GNPTAB: variants seen among roughly 807,000 people sequenced by gnomAD.
GNPTAB encodes the protein N-acetylglucosamine-1-phosphotransferase subunits alpha/beta.
A neutral mutation model predicts 136.6 loss-of-function variants in GNPTAB; 92 were observed. The ratio of observed to expected loss-of-function variants is 0.67; its 90% confidence interval spans 0.57 to 0.80. The LOEUF (loss-of-function observed/expected upper bound fraction) is 0.80. Ranked by LOEUF, GNPTAB falls within the 30% of genes least tolerant of loss-of-function variation. The pLI is 0.00. For synonymous variants in GNPTAB, 512 were observed against 535.1 expected (o/e 0.96, Z 0.60); for missense variants, 1,343 against 1,501.8 (o/e 0.89, Z 1.75).
intron 1 of GNPTAB, among the ~76,000 whole-genome samples, chr12:101,817,843 G>C (rs1021543610): frequency 6.6e-6 from 1 of 152,094 alleles, no homozygotes; most frequent in Admixed American, 6.6e-5. Flanking sequence ...CATTATACTT[G>C]ATGTGGGATT....
At chr12:101,751,335 C>G (rs545718196) in intron 19 of GNPTAB, among the ~76,000 whole-genome samples, 4 of 152,326 alleles carry the variant, frequency 2.6e-5, no homozygotes, top group African/African-American at 9.6e-5. Context: ...CTGCACTGAA[C>G]TCTTATTGCC....
At chr12:101,816,661 A>G (rs569406386) in intron 1 of GNPTAB, among the ~76,000 whole-genome samples, 1 of 152,332 alleles carries the variant, frequency 6.6e-6, no homozygotes, top group East Asian at 1.9e-4. Flanking sequence ...CTAAAAATAG[A>G]ACGACTATAT....
At chr12:101,815,952 A>G (rs1203441236) in intron 1 of GNPTAB, among the ~76,000 whole-genome samples, 1 of 152,230 alleles carries the variant, frequency 6.6e-6, no homozygotes, top group Non-Finnish European at 1.5e-5. Context: ...TGGGGAAAGG[A>G]CAGTCTCTTT....
Position 101,757,777 on chromosome 12 carries a change from C to A in GNPTAB, c.3250-120G>T, listed in dbSNP as rs1202161056. The A allele has an allele frequency of 2.8e-5, 20 of 705,210 alleles. No homozygotes were observed. In the East Asian group the frequency reaches 4.2e-4, roughly 15 times the overall value. 43.7% of individuals were successfully genotyped at this position (705,210 alleles called of 1,614,324 possible). On this transcript the variant is annotated intron_variant, in intron 16 of 20. Coordinates refer to ENST00000299314, the MANE Select transcript of GNPTAB (RefSeq NM_024312.5). The stretch of plus-strand genomic sequence containing the variant: ...ATGCTCTCTGGAGGTAAGAAAAACA[C>A]CAACTGTGACTACATATACATCTTT...
chr12:101,751,270 G>C (rs1056584320), intron 19 of GNPTAB, among the ~76,000 whole-genome samples: 5 of 152,146 alleles, frequency 3.3e-5, no homozygotes, highest in Non-Finnish European at 5.9e-5. Context: ...TCAAAATCAA[G>C]TCCAAATGTC....
rs756772706 is a variant in GNPTAB at position 101,830,589 on chromosome 12, GACA to G, written c.84_86del (p.Val29del). 2 of 1,612,496 alleles carry G rather than the reference GACA, an allele frequency of 1.2e-6. No individual in the cohort carries two copies. Among genetic ancestry groups the G allele is most frequent in the Middle Eastern group, 1.6e-4 (1 of 6,080 alleles). The stretch of plus-strand genomic sequence containing the variant: ...CGAACTGGAAGGCGGAGACGATGGT[GACA>G]ACGACGCCCAAGAAGCACACGTAGA... On this transcript the variant is annotated inframe_deletion, in exon 1 of 21. Transcript: ENST00000299314.
At chr12:101,761,834 T>A in intron 13 of GNPTAB, 71 bp from the exon 14 acceptor site, 1 of 1,122,014 alleles carries the variant, frequency 8.9e-7, no homozygotes, top group Non-Finnish European at 1.4e-6. Context: ...ACAAGACATT[T>A]TATATAATGT....
intron 1 of GNPTAB, among the ~76,000 whole-genome samples, chr12:101,828,638 C>T (rs899962056): frequency 1.3e-5 from 2 of 151,810 alleles, no homozygotes; most frequent in African/African-American, 4.8e-5. Flanking sequence ...TGCAGTGAGC[C>T]GAGATTGCGC....
intron 7 of GNPTAB, among the ~76,000 whole-genome samples, chr12:101,775,950 C>T (rs1046607393): frequency 6.6e-6 from 1 of 152,184 alleles, no homozygotes; most frequent in African/African-American, 2.4e-5. Flanking sequence ...CCTGTTCAGT[C>T]TTCAAGAACC....
rs762120766 is a variant in GNPTAB, at chr12:101,830,656, T to C, written c.20A>G (p.Gln7Arg). ...GGACAGGCAGGTATAGGTCTGTCTCTGCAGGAGCTTGAACAGCATCACCCC... is the reference window on the plus strand; with the variant it reads ...GGACAGGCAGGTATAGGTCTGTCTCCGCAGGAGCTTGAACAGCATCACCCC... MLFKLL[Q>R]RQTYTCLSHR... The change falls in exon 1 of 21, where the codon CAG becomes CGG. Residue 7 changes from glutamine to arginine, a missense_variant. By Grantham distance (43) the Gln-to-Arg change is conservative. Transcript: ENST00000299314. 5.6e-6 allele frequency: 9 copies of C among 1,607,110 alleles called. No homozygotes were observed. Among genetic ancestry groups the C allele is most frequent in the South Asian group, 3.3e-5 (3 of 90,912 alleles).
chr12:101,827,044 C>A (rs1272697808), intron 1 of GNPTAB, among the ~76,000 whole-genome samples: 1 of 144,634 alleles, frequency 6.9e-6, no homozygotes, highest in East Asian at 2.1e-4. Flanking sequence ...AACTCCTGGG[C>A]TCAAGCAACA....
chr12:101,789,824 T>C, intron 3 of GNPTAB, 114 bp downstream of exon 3: 7 of 1,057,516 alleles, frequency 6.6e-6, no homozygotes, highest in Non-Finnish European at 1.0e-5. Context: ...GATCCTTTTG[T>C]AGTTCATTAG....
Position 101,761,267 on chromosome 12 carries a change from A to C in GNPTAB, c.2995T>G (p.Tyr999Asp). The C allele has an allele frequency of 6.2e-7, 1 of 1,614,120 alleles. No individual in the cohort carries two copies. Among genetic ancestry groups the C allele is most frequent in the Non-Finnish European group, 8.5e-7 (1 of 1,179,978 alleles). ...EDMQFAFSYF[Y>D]YLMSAVQPLN... Reference sequence around the variant, plus strand: ...GGCTGCACTGCACTCATGAGATAATAAAAATAAGAGAAGGCAAACTGCATA... The same window carrying C: ...GGCTGCACTGCACTCATGAGATAATCAAAATAAGAGAAGGCAAACTGCATA... The change falls in exon 15 of 21, where the codon TAT becomes GAT. Residue 999 changes from tyrosine (Y) to aspartate (D), a missense_variant. By Grantham distance (160) the Tyr-to-Asp change is radical. Coordinates refer to ENST00000299314, the MANE Select transcript of GNPTAB (RefSeq NM_024312.5).
rs542974776 is a variant in GNPTAB, at chr12:101,750,299, C to T, written c.3603-1108G>A. On this transcript the variant is annotated intron_variant, in intron 19 of 20. Coordinates refer to ENST00000299314, the MANE Select transcript of GNPTAB (RefSeq NM_024312.5). ...AGATTCTCATTTTCCACTGTTTGGG[C>T]GTCTCTACCTCAAGTCACACATCCA... 5.9e-4 allele frequency among the ~76,000 whole-genome samples: 90 copies of T among 152,322 alleles called. 1 individual carries two copies. Among genetic ancestry groups the T allele is most frequent in the African/African-American group, 5.5e-4 (23 of 41,582 alleles).
chr12:101,791,280 G>A (rs1868972564), intron 2 of GNPTAB, among the ~76,000 whole-genome samples: 1 of 152,092 alleles, frequency 6.6e-6, no homozygotes, highest in Non-Finnish European at 1.5e-5. Context: ...CCATCTTTCA[G>A]GGGCCTGCCC....
intron 10 of GNPTAB, 94 bp downstream of exon 10, chr12:101,769,926 TG>T: frequency 8.2e-7 from 1 of 1,219,032 alleles, no homozygotes; most frequent in Non-Finnish European, 1.2e-6. Flanking sequence ...CCACCATGTC[TG>T]GCCTGATATT....
chr12:101,822,883 AC>A (rs1870886975), intron 1 of GNPTAB, among the ~76,000 whole-genome samples: 1 of 152,246 alleles, frequency 6.6e-6, no homozygotes, highest in Non-Finnish European at 1.5e-5. Context: ...TGCTTATTCA[AC>A]ATGACAATTA....
At chr12:101,823,306 G>A (rs564440126) in intron 1 of GNPTAB, among the ~76,000 whole-genome samples, 1 of 152,092 alleles carries the variant, frequency 6.6e-6, no homozygotes, top group South Asian at 2.1e-4. Context: ...GAGCTTGTTG[G>A]AGAGGCAGCA....
intron 5 of GNPTAB, among the ~76,000 whole-genome samples, chr12:101,781,831 T>C (rs977615203): frequency 1.1e-4 from 17 of 152,232 alleles, no homozygotes; most frequent in African/African-American, 3.9e-4. Context: ...TCTCTTTCCA[T>C]TGATATGATG....
Sources: gnomAD v4.1 joint callset for allele counts (sites outside exome capture counted in the v4.1 genomes callset) on GRCh38, gnomAD v4.1.1 for gene constraint, MANE v1.5 for transcripts, NCBI Gene and HGNC (gene_info 2026-07-23, HGNC 2026-07-21) for gene names.